FBXO36: variants seen among roughly 807,000 people sequenced by gnomAD.
FBXO36 encodes F-box protein 36.
Under a neutral mutation model 17.0 loss-of-function variants are expected in FBXO36, and 18 were observed. That is an observed-to-expected ratio of 1.06 (90% CI 0.73 to 1.57). The LOEUF is 1.57. Among genes scored for constraint, FBXO36 ranks in the 40% most tolerant of loss-of-function variants. The pLI, the probability that FBXO36 is intolerant of heterozygous loss-of-function variation, is 0.00. For synonymous variants in FBXO36, 83 were observed against 85.3 expected (o/e 0.97, Z 0.15); for missense variants, 229 against 221.9 (o/e 1.03, Z -0.20).
rs1183712090 is a variant in FBXO36 at position 229,958,268 on chromosome 2, T to C, written c.97-17973T>C. Among the ~76,000 whole-genome samples the C allele has an allele frequency of 5.2e-5, 7 of 133,516 alleles. No individual in the cohort carries two copies. The East Asian group carries it at 1.5e-3, about 28-fold the overall frequency. 87.6% of individuals were successfully genotyped at this position (133,516 alleles called of 152,430 possible). A position where few individuals can be genotyped will look rare whatever the true frequency, so the allele number is the denominator to read the frequency against. On this transcript the variant is annotated intron_variant, in intron 1 of 3. Transcript: ENST00000283946. ...AGAGCTCTGACTTTCTTTTTTTTTT[T>C]TTTTTTTTTTTTTTTTGAGTCAGAG...
intron 2 of FBXO36, among the ~76,000 whole-genome samples, chr2:229,988,628 G>C (rs1253843836): frequency 6.6e-6 from 1 of 151,998 alleles, no homozygotes; most frequent in Non-Finnish European, 1.5e-5. Flanking sequence ...TCCGTCTCAT[G>C]GGTTCAAGAG....
At chr2:229,995,798 G>C (rs1442651258) in intron 2 of FBXO36, among the ~76,000 whole-genome samples, 1 of 151,636 alleles carries the variant, frequency 6.6e-6, no homozygotes, top group Admixed American at 6.6e-5. Flanking sequence ...CTCCATGTTG[G>C]TCAGGCGGGT....
chr2:229,957,505 A>T (rs1328679617), intron 1 of FBXO36, among the ~76,000 whole-genome samples: 2 of 152,062 alleles, frequency 1.3e-5, no homozygotes, highest in Non-Finnish European at 2.9e-5. Flanking sequence ...TGAACCCGGG[A>T]TGCGGAGGTT....
intron 1 of FBXO36, among the ~76,000 whole-genome samples, chr2:229,933,871 A>T (rs1228053039): frequency 6.6e-6 from 1 of 151,960 alleles, no homozygotes; most frequent in Non-Finnish European, 1.5e-5. Context: ...TTTTTAGTAA[A>T]GATGGGATTT....
intron 1 of FBXO36, among the ~76,000 whole-genome samples, chr2:229,940,023 T>C (rs1202307727): frequency 6.6e-6 from 1 of 151,670 alleles, no homozygotes; most frequent in Non-Finnish European, 1.5e-5. Context: ...CAGGGTACAG[T>C]GTACCGGGAC....
intron 2 of FBXO36, among the ~76,000 whole-genome samples, chr2:229,978,815 A>T (rs1413141435): frequency 6.6e-6 from 1 of 152,160 alleles, no homozygotes; most frequent in African/African-American, 2.4e-5. Flanking sequence ...CAAAAAAATC[A>T]AGCACGATAA....
intron 1 of FBXO36, among the ~76,000 whole-genome samples, chr2:229,931,397 A>T (rs2076937664): frequency 6.6e-6 from 1 of 152,196 alleles, no homozygotes; most frequent in South Asian, 2.1e-4. Context: ...CTTAATTGGA[A>T]GTCACTGAGT....
At chr2:229,981,821 T>G (rs1387794955) in intron 2 of FBXO36, among the ~76,000 whole-genome samples, 1 of 151,888 alleles carries the variant, frequency 6.6e-6, no homozygotes, top group Non-Finnish European at 1.5e-5. Context: ...TACCTGAGAA[T>G]GGATAATTTA....
intron 1 of FBXO36, among the ~76,000 whole-genome samples, chr2:229,955,799 A>G (rs1560439499): frequency 6.6e-6 from 1 of 152,212 alleles, no homozygotes; most frequent in Non-Finnish European, 1.5e-5. Flanking sequence ...CATTCTCTAC[A>G]TTATCATGGC....
In FBXO36 at chr2:229,980,468, A is replaced by C. The variant is rs76558003; in HGVS notation, c.205+4119A>C. 3.4e-4 allele frequency among the ~76,000 whole-genome samples: 52 copies of C among 152,174 alleles called. 1 individual carries two copies. The East Asian group carries it at 0.01, about 29-fold the overall frequency. On this transcript the variant is annotated intron_variant, in intron 2 of 3. Transcript: ENST00000283946. ...TGGTTTTCTGATTGTCTTCCACAAA[A>C]ACCTGGAGATGGGGATTTGGGCCAG...
At chr2:230,003,927 G>A (rs190000326) in intron 3 of FBXO36, among the ~76,000 whole-genome samples, 38 of 152,324 alleles carry the variant, frequency 2.5e-4, no homozygotes, top group Middle Eastern at 3.4e-3. Context: ...GCTTGTCCAT[G>A]TGAGCTCAGG....
At chr2:229,979,545 A>G (rs1232408453) in intron 2 of FBXO36, among the ~76,000 whole-genome samples, 6 of 151,728 alleles carry the variant, frequency 4.0e-5, no homozygotes, top group Non-Finnish European at 7.4e-5. Flanking sequence ...TTTGGGAGGC[A>G]GACGCAGGTG....
chr2:230,000,123 C>T (rs934376048), intron 3 of FBXO36, among the ~76,000 whole-genome samples: 4 of 151,754 alleles, frequency 2.6e-5, no homozygotes, highest in African/African-American at 7.3e-5. Context: ...TTTGGGAGGC[C>T]GAGGTGGGTG....
chr2:229,948,822 A>G (rs1182217201), intron 1 of FBXO36, among the ~76,000 whole-genome samples: 1 of 151,928 alleles, frequency 6.6e-6, no homozygotes, highest in Admixed American at 6.6e-5. Context: ...CTGCCTCTTT[A>G]TTTTATTTTA....
At position 229,929,856 on chromosome 2, in the gene FBXO36, C is replaced by G. The variant is rs145114724; in HGVS notation, c.96+7247C>G. On this transcript the variant is annotated intron_variant, in intron 1 of 3. Coordinates refer to ENST00000283946, the MANE Select transcript of FBXO36 (RefSeq NM_174899.5). Reference sequence around the variant, plus strand: ...CTTGTGCAACAGAGTAAGACTTTGTCTCAAAAAAAGAAAGAATATTTTGCA... The same window carrying G: ...CTTGTGCAACAGAGTAAGACTTTGTGTCAAAAAAAGAAAGAATATTTTGCA... 1.4e-3 allele frequency among the ~76,000 whole-genome samples: 218 copies of G among 152,244 alleles called. 1 individual carries two copies. Among genetic ancestry groups the G allele is most frequent in the African/African-American group, 5.0e-3 (207 of 41,524 alleles).
At chr2:229,953,543 A>C (rs547158362) in intron 1 of FBXO36, among the ~76,000 whole-genome samples, 2 of 151,450 alleles carry the variant, frequency 1.3e-5, no homozygotes, top group Non-Finnish European at 2.9e-5. Flanking sequence ...TTGGCCAAGC[A>C]TAGTGGTACA....
intron 1 of FBXO36, among the ~76,000 whole-genome samples, chr2:229,958,490 C>T (rs1471112580): frequency 2.0e-5 from 3 of 152,042 alleles, no homozygotes; most frequent in Non-Finnish European, 4.4e-5. Flanking sequence ...AGGCTGATCT[C>T]GAACTCCTGA....
intron 1 of FBXO36, among the ~76,000 whole-genome samples, chr2:229,943,762 A>G (rs1197364880): frequency 6.6e-6 from 1 of 152,172 alleles, no homozygotes; most frequent in Non-Finnish European, 1.5e-5. Context: ...TAGATATTGA[A>G]TCCCATGCCT....
At chr2:229,985,777 T>C (rs574828638) in intron 2 of FBXO36, among the ~76,000 whole-genome samples, 1 of 152,308 alleles carries the variant, frequency 6.6e-6, no homozygotes, top group African/African-American at 2.4e-5. Context: ...GGTTAAGCAC[T>C]GTGGCTCATG....
Sources: gnomAD v4.1 joint callset for allele counts (sites outside exome capture counted in the v4.1 genomes callset) on GRCh38, gnomAD v4.1.1 for gene constraint, MANE v1.5 for transcripts, NCBI Gene and HGNC (gene_info 2026-07-23, HGNC 2026-07-21) for gene names.